The following ZSWIM7 variants were observed in gnomAD, a reference collection of about 807,000 sequenced individuals.
ZSWIM7 encodes zinc finger SWIM domain-containing protein 7.
ZSWIM7 carries 22 observed loss-of-function variants against 21.1 expected under a neutral mutation model. That is an observed-to-expected ratio of 1.04 (90% CI 0.74 to 1.49). The LOEUF (loss-of-function observed/expected upper bound fraction) is 1.49, where lower values mean the gene tolerates loss of function less well. Among genes scored for constraint, ZSWIM7 ranks in the 40% most tolerant of loss-of-function variants. ZSWIM7 has a pLI of 0.00. For synonymous variants in ZSWIM7, 67 were observed against 66.5 expected, an observed-to-expected ratio of 1.01 and a Z score of -0.04; for missense variants, 193 against 168.0, an observed-to-expected ratio of 1.15 and a Z score of -0.82.
chr17:15,987,165 T>A lies in ZSWIM7; in HGVS notation c.201+101A>T, dbSNP rs1050985152. On this transcript the variant is annotated intron_variant, in intron 3 of 4. Coordinates refer to ENST00000399277, the MANE Select transcript of ZSWIM7 (RefSeq NM_001042697.2). ...AGTTGGGGCAAAAGCCTTTTAACAG[T>A]CCAGGAAATATTTAAAGCTAGTCAA... 8 of 968,912 alleles carry A rather than the reference T, an allele frequency of 8.3e-6. No individual in the cohort carries two copies. In the African/African-American group the frequency reaches 1.0e-4, roughly 12 times the overall value. The allele number at this position is 968,912 out of a possible 1,614,324, so 60.0% of individuals were successfully genotyped here.
chr17:15,989,788 C>T (rs1970459823), intron 2 of ZSWIM7, among the ~76,000 whole-genome samples: 1 of 152,076 alleles, frequency 6.6e-6, no homozygotes, highest in East Asian at 1.9e-4. Flanking sequence ...TATATACCAC[C>T]ACATCCAGTT....
Position 15,978,164 on chromosome 17 carries a change from C to G in ZSWIM7, c.307-1G>C. 6.2e-7 allele frequency: 1 copy of G among 1,612,208 alleles called. No homozygotes were observed. The highest frequency in any genetic ancestry group is 1.1e-5 in the South Asian group (1 of 91,062). Reference sequence around the variant, plus strand: ...GGTAAACTGCCAAGAGATGCTTGCACTGGAATATAAAACACACACACCTAT... The same window carrying G: ...GGTAAACTGCCAAGAGATGCTTGCAGTGGAATATAAAACACACACACCTAT... On this transcript the variant is annotated splice_acceptor_variant, in intron 4 of 4. Coordinates refer to ENST00000399277, the MANE Select transcript of ZSWIM7 (RefSeq NM_001042697.2). LOFTEE classifies it high-confidence loss of function.
Position 15,987,386 on chromosome 17 carries a change from T to C in ZSWIM7, c.99-18A>G. 1.2e-6 allele frequency: 2 copies of C among 1,605,946 alleles called. No individual in the cohort carries two copies. Among genetic ancestry groups the C allele is most frequent in the Non-Finnish European group, 1.7e-6 (2 of 1,174,748 alleles). ...ACTTCAGCCTGTGAAATAAAAACACTTCAGATTAGAAGGCCTGATTCTCAA... is the reference window on the plus strand; with the variant it reads ...ACTTCAGCCTGTGAAATAAAAACACCTCAGATTAGAAGGCCTGATTCTCAA... On this transcript the variant is annotated intron_variant, in intron 2 of 4. Coordinates refer to ENST00000399277, the MANE Select transcript of ZSWIM7 (RefSeq NM_001042697.2).
intron 3 of ZSWIM7, among the ~76,000 whole-genome samples, chr17:15,981,748 T>C (rs1412242232): frequency 2.6e-5 from 4 of 151,950 alleles, no homozygotes; most frequent in Middle Eastern, 3.4e-3. Flanking sequence ...CTCGTTTCTA[T>C]AGAAAAAAAA....
At chr17:15,998,001 T>C (rs544559166) in intron 1 of ZSWIM7, among the ~76,000 whole-genome samples, 18 of 152,140 alleles carry the variant, frequency 1.2e-4, no homozygotes, top group Admixed American at 2.6e-4. Context: ...CTTGGGAGGC[T>C]GAGGCAGGAG....
intron 2 of ZSWIM7, among the ~76,000 whole-genome samples, chr17:15,988,158 A>G (rs2151625754): frequency 6.6e-6 from 1 of 152,276 alleles, no homozygotes; most frequent in African/African-American, 2.4e-5. Flanking sequence ...TTAAAACATA[A>G]AAGGTATATT....
intron 1 of ZSWIM7, among the ~76,000 whole-genome samples, chr17:15,996,049 GACAA>G (rs1176747602): frequency 2.0e-5 from 3 of 152,132 alleles, no homozygotes; most frequent in South Asian, 2.1e-4. Flanking sequence ...TCAATACCTA[GACAA>G]ACAATCACTT....
intron 3 of ZSWIM7, among the ~76,000 whole-genome samples, chr17:15,981,694 AC>A (rs199881543): frequency 6.0e-5 from 9 of 150,810 alleles, no homozygotes; most frequent in East Asian, 5.9e-4. Context: ...GGATCACTTG[AC>A]CCCCCCCAGA....
intron 1 of ZSWIM7, among the ~76,000 whole-genome samples, chr17:15,998,722 C>CAT (rs1416711802): frequency 6.6e-6 from 1 of 150,884 alleles, no homozygotes; most frequent in Admixed American, 6.6e-5. Context: ...CCAACGATTG[C>CAT]ATATGCATTT....
chr17:15,983,840 G>C (rs1970382325), intron 3 of ZSWIM7, among the ~76,000 whole-genome samples: 1 of 152,140 alleles, frequency 6.6e-6, no homozygotes, highest in African/African-American at 2.4e-5. Flanking sequence ...ACCCGCCTCA[G>C]CCTCCCAAAC....
chr17:15,979,882 C>A lies in ZSWIM7; in HGVS notation c.306+1158G>T, dbSNP rs1273392764. 1.5e-4 allele frequency among the ~76,000 whole-genome samples: 8 copies of A among 54,734 alleles called. No individual in the cohort carries two copies. The East Asian group carries it at 2.3e-3, about 16-fold the overall frequency. The allele number at this position is 54,734 out of a possible 152,430, so 35.9% of individuals were successfully genotyped here. The stretch of plus-strand genomic sequence containing the variant: ...CGGCTGGCCGGGCGGGGGGCTGACC[C>A]CCCCACCTCCCTCCCGGACGGGGGG... On this transcript the variant is annotated intron_variant, in intron 4 of 4. Coordinates refer to ENST00000399277, the MANE Select transcript of ZSWIM7 (RefSeq NM_001042697.2).
intron 1 of ZSWIM7, among the ~76,000 whole-genome samples, chr17:15,995,263 C>A (rs1049711620): frequency 6.6e-6 from 1 of 151,482 alleles, no homozygotes; most frequent in Non-Finnish European, 1.5e-5. Flanking sequence ...AGTAAGACCC[C>A]GTCTCTCTTT....
chr17:15,986,979 G>C (rs1340211162), intron 3 of ZSWIM7: 1 of 194,332 alleles, frequency 5.1e-6, no homozygotes, highest in Non-Finnish European at 1.0e-5. Flanking sequence ...CACAAAAAAA[G>C]AAGTATATAA....
chr17:15,991,923 G>GTT (rs1567571402), intron 2 of ZSWIM7, among the ~76,000 whole-genome samples: 2 of 128,450 alleles, frequency 1.6e-5, no homozygotes, highest in Middle Eastern at 4.0e-3. Context: ...TGTTTGTTTT[G>GTT]TTTTGTTTTG....
chr17:15,984,963 C>A (rs767135954), intron 3 of ZSWIM7, among the ~76,000 whole-genome samples: 2 of 152,152 alleles, frequency 1.3e-5, no homozygotes, highest in African/African-American at 4.8e-5. Context: ...CACAGCATAA[C>A]TTAGCCTCTC....
rs751629253 is a variant in ZSWIM7 at position 15,981,007 on chromosome 17, A to C, written c.306+33T>G. 3.3e-6 allele frequency: 5 copies of C among 1,527,596 alleles called. No homozygotes were observed. In the African/African-American group the frequency reaches 6.9e-5, roughly 21 times the overall value. 94.6% of individuals were successfully genotyped at this position (1,527,596 alleles called of 1,614,324 possible). ...GTAAGGGCAATTTCTCTCTACATTC[A>C]ACTACAGTGGGAAGAGTCTTCCCCA... On this transcript the variant is annotated intron_variant, in intron 4 of 4. Transcript: ENST00000399277.
intron 1 of ZSWIM7, among the ~76,000 whole-genome samples, chr17:15,995,166 G>A (rs1970533994): frequency 6.6e-6 from 1 of 152,076 alleles, no homozygotes; most frequent in African/African-American, 2.4e-5. Flanking sequence ...AAAAATACAT[G>A]GTATGTCTCT....
chr17:15,988,993 C>T (rs536801671), intron 2 of ZSWIM7, among the ~76,000 whole-genome samples: 183 of 152,166 alleles, frequency 1.2e-3, no homozygotes, highest in Non-Finnish European at 1.6e-3. Context: ...ACACTCTGGC[C>T]CAGGTAACAG....
chr17:15,993,672 A>G, intron 2 of ZSWIM7, 85 bp downstream of exon 2: 1 of 1,107,056 alleles, frequency 9.0e-7, no homozygotes, highest in Non-Finnish European at 1.3e-6. Context: ...GGTCAAGAGT[A>G]TTTTTAAAAA....
Sources: gnomAD v4.1 joint callset for allele counts (sites outside exome capture counted in the v4.1 genomes callset) on GRCh38, gnomAD v4.1.1 for gene constraint, MANE v1.5 for transcripts, NCBI Gene and HGNC (gene_info 2026-07-23, HGNC 2026-07-21) for gene names.